The following IL1RAPL2 variants were observed in gnomAD, a reference collection of about 807,000 sequenced individuals.
IL1RAPL2 encodes the protein X-linked interleukin-1 receptor accessory protein-like 2.
IL1RAPL2 carries 3 observed loss-of-function variants against 44.1 expected under a neutral mutation model. The ratio of observed to expected loss-of-function variants is 0.07; its 90% CI spans 0.03 to 0.18. IL1RAPL2 has a LOEUF of 0.18. IL1RAPL2 is among the 10% of genes least tolerant of loss of function. The pLI is 1.00. For synonymous variants in IL1RAPL2, 181 were observed against 178.8 expected, an observed-to-expected ratio of 1.01 and a Z score of -0.10; for missense variants, 391 against 496.4, an observed-to-expected ratio of 0.79 and a Z score of 2.02.
intron 6 of IL1RAPL2, among the ~76,000 whole-genome samples, chrX:105,486,188 TG>T (rs1413264669): frequency 8.9e-6 from 1 of 112,055 alleles, no homozygotes; most frequent in Non-Finnish European, 1.9e-5. Context: ...TTGTAGTTTT[TG>T]GAAGTTTTGA....
chrX:104,611,186 A>G (rs1929149237), intron 1 of IL1RAPL2, among the ~76,000 whole-genome samples: 1 of 111,373 alleles, frequency 9.0e-6, no homozygotes, highest in Non-Finnish European at 1.9e-5. Context: ...CTTGAACACT[A>G]TGCTGGGAGA....
intron 2 of IL1RAPL2, among the ~76,000 whole-genome samples, chrX:104,890,317 A>T (rs926720748): frequency 8.9e-6 from 1 of 111,898 alleles, no homozygotes; most frequent in African/African-American, 3.3e-5. Flanking sequence ...ATACCCAGTA[A>T]TGGGATGGCT....
chrX:105,534,696 A>G (rs1045603769), intron 6 of IL1RAPL2, among the ~76,000 whole-genome samples: 1 of 112,274 alleles, frequency 8.9e-6, no homozygotes, highest in Non-Finnish European at 1.9e-5. Flanking sequence ...GAAATAGACT[A>G]TATAATTATG....
chrX:104,601,684 T>C (rs1012024804), intron 1 of IL1RAPL2, among the ~76,000 whole-genome samples: 1 of 112,328 alleles, frequency 8.9e-6, no homozygotes, highest in African/African-American at 3.2e-5. Context: ...CTGTTGTTTT[T>C]TGACTTTTTA....
At chrX:104,633,475 C>CT (rs1217032083) in intron 1 of IL1RAPL2, among the ~76,000 whole-genome samples, 2 of 111,472 alleles carry the variant, frequency 1.8e-5, no homozygotes, top group Non-Finnish European at 3.8e-5. Flanking sequence ...AGGTCCTGGA[C>CT]TTTTTTTGGT....
chrX:105,608,601 T>C (rs2037312886), intron 6 of IL1RAPL2, among the ~76,000 whole-genome samples: 1 of 112,239 alleles, frequency 8.9e-6, no homozygotes, highest in African/African-American at 3.2e-5. Flanking sequence ...GTAATTGTTT[T>C]AAAACTGTGA....
intron 6 of IL1RAPL2, among the ~76,000 whole-genome samples, chrX:105,517,135 T>C (rs1233118095): frequency 8.9e-6 from 1 of 112,082 alleles, no homozygotes; most frequent in Non-Finnish European, 1.9e-5. Context: ...AGGCATTATT[T>C]GTTCCTTTAT....
At chrX:105,116,611 C>G (rs1041403035) in intron 2 of IL1RAPL2, among the ~76,000 whole-genome samples, 2 of 112,282 alleles carry the variant, frequency 1.8e-5, no homozygotes, top group African/African-American at 6.5e-5. Flanking sequence ...GTAAGAATTT[C>G]TGTGGCTCAT....
intron 5 of IL1RAPL2, among the ~76,000 whole-genome samples, chrX:105,350,395 A>C (rs1467532444): frequency 1.8e-5 from 2 of 112,656 alleles, no homozygotes; most frequent in East Asian, 5.6e-4. Context: ...TCAGTGTTCC[A>C]TAAAATGAAA....
chrX:104,942,864 G>A lies in IL1RAPL2; in HGVS notation c.83-252611G>A, dbSNP rs193196033. Among the ~76,000 whole-genome samples the A allele has an allele frequency of 4.6e-3, 512 of 111,502 alleles. 3 individuals are homozygous for A. Among genetic ancestry groups the A allele is most frequent in the African/African-American group, 0.016 (476 of 30,659 alleles). On this transcript the variant is annotated intron_variant, in intron 2 of 10. Coordinates refer to ENST00000372582, the MANE Select transcript of IL1RAPL2 (RefSeq NM_017416.2). ...AATAGCTCTTATTATTTTGAGATAC[G>A]TCCCATCAATACCTAGTTTATTGAG...
chrX:104,785,336 G>A (rs904958804), intron 2 of IL1RAPL2, among the ~76,000 whole-genome samples: 1 of 111,818 alleles, frequency 8.9e-6, no homozygotes, highest in African/African-American at 3.2e-5. Context: ...TTTTTGAAGT[G>A]TTAAGTATTT....
chrX:105,490,050 ACT>A (rs1182649085), intron 6 of IL1RAPL2, among the ~76,000 whole-genome samples: 1 of 109,765 alleles, frequency 9.1e-6, no homozygotes, highest in Non-Finnish European at 1.9e-5. Flanking sequence ...CTGGTCTCAA[ACT>A]CCTGAACTCA....
intron 5 of IL1RAPL2, among the ~76,000 whole-genome samples, chrX:105,375,168 A>G (rs180886483): frequency 1.8e-5 from 2 of 110,027 alleles, no homozygotes; most frequent in East Asian, 5.8e-4. Context: ...CTCCATCTTG[A>G]CAGAGTCAGA....
Position 105,640,672 on chromosome X carries a change from A to G in IL1RAPL2, c.773-76695A>G, listed in dbSNP as rs1483556072. 3.9e-4 allele frequency among the ~76,000 whole-genome samples: 36 copies of G among 92,740 alleles called. 1 individual carries two copies. The highest frequency in any genetic ancestry group is 1.0e-3 in the African/African-American group (27 of 26,139). The allele number at this position is 92,740 out of a possible 115,157, so 80.5% of individuals were successfully genotyped here. On this transcript the variant is annotated intron_variant, in intron 6 of 10. Coordinates refer to ENST00000372582, the MANE Select transcript of IL1RAPL2 (RefSeq NM_017416.2). ...TGTGTGTGTATATATATATATATAT[A>G]TATATATATATATATATATACACAC...
chrX:105,056,488 C>A (rs1175537051), intron 2 of IL1RAPL2, among the ~76,000 whole-genome samples: 1 of 111,485 alleles, frequency 9.0e-6, no homozygotes, highest in Non-Finnish European at 1.9e-5. Flanking sequence ...AATTACAGTA[C>A]CAATTTGAAG....
chrX:105,659,448 C>G (rs974721270), intron 6 of IL1RAPL2, among the ~76,000 whole-genome samples: 18 of 109,547 alleles, frequency 1.6e-4, no homozygotes, highest in Non-Finnish European at 3.0e-4. Context: ...ACGAGGTCAG[C>G]AGATCGAGAC....
chrX:105,522,889 T>C (rs1922619844), intron 6 of IL1RAPL2, among the ~76,000 whole-genome samples: 1 of 111,101 alleles, frequency 9.0e-6, no homozygotes, highest in African/African-American at 3.3e-5. Context: ...CTGAAACTTA[T>C]TTCTCTCATA....
intron 2 of IL1RAPL2, among the ~76,000 whole-genome samples, chrX:105,031,274 C>A (rs937961135): frequency 1.9e-5 from 2 of 107,179 alleles, no homozygotes; most frequent in Admixed American, 1.0e-4. Context: ...GAACTTCCAA[C>A]ACTATGTTGA....
intron 4 of IL1RAPL2, among the ~76,000 whole-genome samples, chrX:105,254,441 T>C (rs1184172130): frequency 8.9e-6 from 1 of 112,413 alleles, no homozygotes; most frequent in African/African-American, 3.2e-5. Context: ...TCCTTATAGA[T>C]GCTGGATATT....
Sources: allele counts gnomAD v4.1 joint callset (sites outside exome capture counted in the v4.1 genomes callset), GRCh38; gene constraint gnomAD v4.1.1; transcripts MANE v1.5; gene names NCBI Gene and HGNC (gene_info 2026-07-23, HGNC 2026-07-21).